Variants in DIAPH3 observed in about 807,000 individuals in gnomAD.
DIAPH3 encodes protein diaphanous homolog 3.
DIAPH3 carries 117 observed loss-of-function variants against 144.3 expected under a neutral mutation model. That is an observed-to-expected ratio of 0.81 (90% CI 0.70 to 0.95). The LOEUF (loss-of-function observed/expected upper bound fraction) is 0.95. DIAPH3 is among the 40% of genes least tolerant of loss of function. The pLI is 0.00. For missense variants in DIAPH3, 1,421 were observed against 1,412.7 expected, an observed-to-expected ratio of 1.01 and a Z score of -0.09; for synonymous variants, 519 against 488.9, an observed-to-expected ratio of 1.06 and a Z score of -0.81.
intron 7 of DIAPH3, among the ~76,000 whole-genome samples, chr13:60,015,200 T>C (rs1341108040): frequency 6.6e-6 from 1 of 152,110 alleles, no homozygotes; most frequent in Non-Finnish European, 1.5e-5. Flanking sequence ...CTCACTATGT[T>C]GCCCAGGCTG....
intron 21 of DIAPH3, among the ~76,000 whole-genome samples, chr13:59,865,344 G>A (rs73543255): frequency 6.4e-4 from 97 of 151,994 alleles, no homozygotes; most frequent in African/African-American, 2.3e-3. Context: ...AGTAAAGCTT[G>A]GAATACAGTG....
At chr13:59,909,643 A>G (rs1947963817) in intron 20 of DIAPH3, among the ~76,000 whole-genome samples, 1 of 152,230 alleles carries the variant, frequency 6.6e-6, no homozygotes, top group Non-Finnish European at 1.5e-5. Context: ...TGTCATAATC[A>G]ATAGATGACT....
At chr13:59,939,536 T>C (rs1484713289) in intron 17 of DIAPH3, among the ~76,000 whole-genome samples, 1 of 152,170 alleles carries the variant, frequency 6.6e-6, no homozygotes, top group Non-Finnish European at 1.5e-5. Flanking sequence ...CTTCAGCTTC[T>C]TGTTCTTTGT....
At chr13:59,691,080 C>A (rs533929788) in intron 27 of DIAPH3, among the ~76,000 whole-genome samples, 148 of 152,116 alleles carry the variant, frequency 9.7e-4, no homozygotes, top group African/African-American at 3.5e-3. Flanking sequence ...GAAAAAGAAG[C>A]AAATACAAAA....
intron 22 of DIAPH3, among the ~76,000 whole-genome samples, chr13:59,842,308 T>G (rs1345406558): frequency 6.6e-6 from 1 of 152,166 alleles, no homozygotes; most frequent in Non-Finnish European, 1.5e-5. Flanking sequence ...CCAATTTTAT[T>G]ATGCACACAT....
intron 18 of DIAPH3, among the ~76,000 whole-genome samples, chr13:59,924,002 A>G (rs929238524): frequency 2.0e-5 from 3 of 152,182 alleles, no homozygotes; most frequent in Non-Finnish European, 4.4e-5. Flanking sequence ...CAGTTGAGGC[A>G]TGTAATAATT....
chr13:59,916,357 TCAAA>T, intron 18 of DIAPH3, 108 bp from the exon 19 acceptor site: 1 of 855,594 alleles, frequency 1.2e-6, no homozygotes, highest in Non-Finnish European at 1.9e-6. Flanking sequence ...ACAAGAGAAT[TCAAA>T]CATTTAATAT....
rs3078724 is a variant in DIAPH3 at position 59,993,702 on chromosome 13, T to TAAAAAAAAAAAAAAAAAAAAA, written c.1015-1120_1015-1119insTTTTTTTTTTTTTTTTTTTTT. On this transcript the variant is annotated intron_variant, in intron 9 of 27. Coordinates refer to ENST00000400324, the MANE Select transcript of DIAPH3 (RefSeq NM_001042517.2). ...GAGAGAGGAAGAAGAGAAACATACT[T>TAAAAAAAAAAAAAAAAAAAAA]AAAAAAAAAAAAAAAAAAAACTTAA... Among the ~76,000 whole-genome samples, 61 of 73,850 alleles carry TAAAAAAAAAAAAAAAAAAAAA rather than the reference T, an allele frequency of 8.3e-4. 4 individuals carry two copies. The highest frequency in any genetic ancestry group is 3.6e-3 in the African/African-American group (60 of 16,456). 48.4% of individuals were successfully genotyped at this position (73,850 alleles called of 152,430 possible).
intron 22 of DIAPH3, among the ~76,000 whole-genome samples, chr13:59,856,898 G>A (rs531720932): frequency 1.4e-5 from 2 of 139,518 alleles, no homozygotes; most frequent in East Asian, 4.9e-4. Context: ...GCAGATATTG[G>A]TAAAAAAAAA....
chr13:59,902,666 C>T (rs1004311335), intron 20 of DIAPH3, among the ~76,000 whole-genome samples: 3 of 152,048 alleles, frequency 2.0e-5, no homozygotes, highest in Admixed American at 6.6e-5. Context: ...ATCCTAGCTA[C>T]TCGGGTGGCT....
At chr13:59,808,915 G>T (rs1223562735) in intron 25 of DIAPH3, among the ~76,000 whole-genome samples, 1 of 152,078 alleles carries the variant, frequency 6.6e-6, no homozygotes, top group Non-Finnish European at 1.5e-5. Flanking sequence ...ACAGCCTTTT[G>T]ATCTACTATT....
intron 17 of DIAPH3, among the ~76,000 whole-genome samples, chr13:59,949,447 C>T (rs993397512): frequency 6.6e-6 from 1 of 152,178 alleles, no homozygotes; most frequent in Non-Finnish European, 1.5e-5. Context: ...GAAATCACAT[C>T]ACCTGCAATG....
At chr13:59,883,214 A>G (rs1385540059) in intron 20 of DIAPH3, among the ~76,000 whole-genome samples, 1 of 152,162 alleles carries the variant, frequency 6.6e-6, no homozygotes, top group Non-Finnish European at 1.5e-5. Flanking sequence ...TAAAGTCAGA[A>G]AGGTCCCCAG....
chr13:59,811,788 C>T (rs2040491065), intron 24 of DIAPH3, among the ~76,000 whole-genome samples: 1 of 150,666 alleles, frequency 6.6e-6, no homozygotes, highest in Non-Finnish European at 1.5e-5. Flanking sequence ...GCCAGGTCCT[C>T]TGGCTTTGAT....
intron 27 of DIAPH3, among the ~76,000 whole-genome samples, chr13:59,729,046 A>C (rs2035744199): frequency 6.6e-6 from 1 of 152,210 alleles, no homozygotes; most frequent in Non-Finnish European, 1.5e-5. Flanking sequence ...AGAAGGCACA[A>C]GAATGTTTCT....
At chr13:60,013,054 C>T in intron 7 of DIAPH3, 3 of 985,310 alleles carry the variant, frequency 3.0e-6, no homozygotes, top group Non-Finnish European at 3.6e-6. Context: ...CTTACCAGTG[C>T]TCGGATTAAA....
At chr13:60,052,327 T>A (rs1397476934) in intron 4 of DIAPH3, among the ~76,000 whole-genome samples, 1 of 152,072 alleles carries the variant, frequency 6.6e-6, no homozygotes, top group Non-Finnish European at 1.5e-5. Context: ...TAAATCATAT[T>A]TAGAAGTGGT....
At chr13:60,070,763 C>T (rs910058351) in intron 4 of DIAPH3, among the ~76,000 whole-genome samples, 13 of 152,230 alleles carry the variant, frequency 8.5e-5, no homozygotes, top group Admixed American at 4.6e-4. Context: ...TGATACACTG[C>T]GGCTTTATGT....
intron 27 of DIAPH3, among the ~76,000 whole-genome samples, chr13:59,770,849 C>T (rs557282329): frequency 6.6e-6 from 1 of 152,256 alleles, no homozygotes; most frequent in East Asian, 1.9e-4. Flanking sequence ...ATCTATAAAT[C>T]TTAAGTGCCT....
Sources: gnomAD v4.1 joint callset for allele counts (sites outside exome capture counted in the v4.1 genomes callset) on GRCh38, gnomAD v4.1.1 for gene constraint, MANE v1.5 for transcripts, NCBI Gene and HGNC (gene_info 2026-07-23, HGNC 2026-07-21) for gene names.